TMEM207: variants seen among roughly 807,000 people sequenced by gnomAD.
TMEM207 encodes SRSR846.
TMEM207 carries 15 observed loss-of-function variants against 17.4 expected under a neutral mutation model. The ratio of observed to expected loss-of-function variants is 0.86; its 90% confidence interval spans 0.58 to 1.33. TMEM207 has a LOEUF of 1.33. Ranked by LOEUF, TMEM207 falls within the 40% of genes most tolerant of loss-of-function variation. The pLI, the probability that TMEM207 is intolerant of heterozygous loss-of-function variation, is 0.00. For missense variants in TMEM207, 205 were observed against 173.8 expected, an observed-to-expected ratio of 1.18 and a Z score of -1.01; for synonymous variants, 70 against 65.6, an observed-to-expected ratio of 1.07 and a Z score of -0.33.
At chr3:190,440,543 C>T (rs1219122385) in intron 3 of TMEM207, among the ~76,000 whole-genome samples, 154 bp from the exon 4 acceptor site, 1 of 152,204 alleles carries the variant, frequency 6.6e-6, no homozygotes, top group Non-Finnish European at 1.5e-5. Context: ...TACCACCACC[C>T]ATACATTTCC....
chr3:190,434,708 C>A (rs1719764118), intron 4 of TMEM207, among the ~76,000 whole-genome samples: 1 of 152,134 alleles, frequency 6.6e-6, no homozygotes. Flanking sequence ...AGAGAAGGAA[C>A]TAAGAAGGTC....
chr3:190,433,451 CT>C (rs994242922), intron 4 of TMEM207, among the ~76,000 whole-genome samples: 3 of 151,944 alleles, frequency 2.0e-5, no homozygotes, highest in African/African-American at 4.8e-5. Flanking sequence ...AAATCCTTAT[CT>C]TTTTTTAAAA....
chr3:190,442,399 A>G (rs1438563333), intron 2 of TMEM207, among the ~76,000 whole-genome samples: 3 of 152,260 alleles, frequency 2.0e-5, no homozygotes, highest in Non-Finnish European at 1.5e-5. Context: ...AGACATTCAT[A>G]AATGTCAGTT....
intron 3 of TMEM207, 27 bp downstream of exon 3, chr3:190,441,411 T>C (rs749932088): frequency 6.3e-7 from 1 of 1,580,066 alleles, no homozygotes. Context: ...CCAACTGTCA[T>C]ATAAAACAAA....
chr3:190,429,569 T>C lies in TMEM207; in HGVS notation c.*26A>G, dbSNP rs779534621. The C allele has an allele frequency of 9.2e-5, 149 of 1,612,420 alleles. 2 individuals carry two copies. In the South Asian group the frequency reaches 1.6e-3, roughly 17 times the overall value. ...TTGGAATTACAGATGTCGTTAATAC[T>C]TTAAATTGATAATCCACACCTAAAA... On this transcript the variant is annotated 3_prime_UTR_variant, in exon 5 of 5. Coordinates refer to ENST00000354905, the MANE Select transcript of TMEM207 (RefSeq NM_207316.3).
intron 2 of TMEM207, chr3:190,444,380 A>T (rs1393585172): frequency 1.0e-6 from 1 of 981,144 alleles, no homozygotes; most frequent in Admixed American, 6.2e-5. Flanking sequence ...CATGTCTCTT[A>T]TCACCATGTC....
chr3:190,431,285 C>G (rs564725546), intron 4 of TMEM207, among the ~76,000 whole-genome samples: 142 of 152,108 alleles, frequency 9.3e-4, no homozygotes, highest in African/African-American at 3.3e-3. Context: ...GCTAAATGAG[C>G]ATAAAGTACT....
intron 4 of TMEM207, 58 bp downstream of exon 4, chr3:190,440,186 A>G (rs1719898321): frequency 6.5e-7 from 1 of 1,547,370 alleles, no homozygotes; most frequent in Admixed American, 2.0e-5. Flanking sequence ...CAGTTTTTCA[A>G]TTAACCGCAA....
chr3:190,435,489 G>C (rs983589091), intron 4 of TMEM207, among the ~76,000 whole-genome samples: 1 of 152,060 alleles, frequency 6.6e-6, no homozygotes, highest in Non-Finnish European at 1.5e-5. Flanking sequence ...CATGAAATTG[G>C]GTGGGACACA....
intron 2 of TMEM207, among the ~76,000 whole-genome samples, chr3:190,443,093 T>A (rs892145067): frequency 1.3e-5 from 2 of 151,738 alleles, no homozygotes; most frequent in African/African-American, 4.8e-5. Flanking sequence ...ATACATTTTT[T>A]AAGAGACAGA....
chr3:190,444,921 T>A lies in TMEM207; in HGVS notation c.113+2869A>T, dbSNP rs116332436. On this transcript the variant is annotated intron_variant, in intron 2 of 4. Coordinates refer to ENST00000354905, the MANE Select transcript of TMEM207 (RefSeq NM_207316.3). ...CAAAGTGCAATTCAGCTACAGTAAT[T>A]TGAGGGATGGATGAGTCACAAATCA... 5.6e-3 allele frequency among the ~76,000 whole-genome samples: 847 copies of A among 152,252 alleles called. 10 individuals are homozygous for A. Among genetic ancestry groups the A allele is most frequent in the African/African-American group, 0.02 (812 of 41,556 alleles).
intron 2 of TMEM207, among the ~76,000 whole-genome samples, chr3:190,442,807 G>A (rs1368891952): frequency 6.6e-6 from 1 of 152,114 alleles, no homozygotes; most frequent in African/African-American, 2.4e-5. Flanking sequence ...CAAAAATAAT[G>A]TAAACATGTT....
Position 190,443,403 on chromosome 3 carries a change from CT to C in TMEM207, c.114-1922del, listed in dbSNP as rs572736695. Among the ~76,000 whole-genome samples the C allele has an allele frequency of 4.5e-3, 679 of 151,852 alleles. 9 individuals are homozygous for C. In the South Asian group the frequency reaches 0.053, roughly 12 times the overall value. The stretch of plus-strand genomic sequence containing the variant: ...AATTTTCCAAACCAACTTTATTTCA[CT>C]TTTTTTTCTGAGCTGGTGCACCCTC... On this transcript the variant is annotated intron_variant, in intron 2 of 4. Transcript: ENST00000354905.
intron 4 of TMEM207, among the ~76,000 whole-genome samples, chr3:190,439,286 C>A (rs1266340802): frequency 6.8e-6 from 1 of 147,398 alleles, no homozygotes; most frequent in Non-Finnish European, 1.5e-5. Context: ...TCAATATAAT[C>A]ATTATCTTGG....
At chr3:190,430,524 T>C (rs996192034) in intron 4 of TMEM207, among the ~76,000 whole-genome samples, 1 of 151,096 alleles carries the variant, frequency 6.6e-6, no homozygotes, top group African/African-American at 2.4e-5. Context: ...TGGTTTTATA[T>C]ATATATATAT....
intron 1 of TMEM207, among the ~76,000 whole-genome samples, chr3:190,448,686 G>T (rs183156399): frequency 6.6e-6 from 1 of 152,074 alleles, no homozygotes; most frequent in Admixed American, 6.6e-5. Context: ...ACTATAACAC[G>T]CAAATAAAAG....
chr3:190,431,828 C>T lies in TMEM207; in HGVS notation c.305-2097G>A, dbSNP rs369108915. Among the ~76,000 whole-genome samples, 78 of 152,220 alleles carry T rather than the reference C, an allele frequency of 5.1e-4. 1 individual carries two copies. In the East Asian group the frequency reaches 8.1e-3, roughly 16 times the overall value. ...GTAATAGAGTCTTCACAGTTGCTTT[C>T]GTAGAAAACTCATTATCTTCTTCCT... is the stretch of plus-strand genomic sequence containing the variant. On this transcript the variant is annotated intron_variant, in intron 4 of 4. Transcript: ENST00000354905.
At chr3:190,437,849 AAATGTCCAAC>A (rs1719836885) in intron 4 of TMEM207, among the ~76,000 whole-genome samples, 1 of 151,570 alleles carries the variant, frequency 6.6e-6, no homozygotes, top group African/African-American at 2.4e-5. Context: ...GAACCAACCC[AAATGTCCAAC>A]AATGATAGAC....
At chr3:190,429,799 C>A in intron 4 of TMEM207, 68 bp from the exon 5 acceptor site, 8 of 1,426,686 alleles carry the variant, frequency 5.6e-6, no homozygotes, top group East Asian at 2.5e-5. Context: ...ATGAACTGCC[C>A]GATAAAATCT....
Sources: allele counts gnomAD v4.1 joint callset (sites outside exome capture counted in the v4.1 genomes callset), GRCh38; gene constraint gnomAD v4.1.1; transcripts MANE v1.5; gene names NCBI Gene and HGNC (gene_info 2026-07-23, HGNC 2026-07-21).